The following IL7 variants were observed in gnomAD, a reference collection of about 807,000 sequenced individuals.
IL7 encodes interleukin-7.
A neutral mutation model predicts 21.6 loss-of-function variants in IL7; 3 were observed. The observed-to-expected ratio is 0.14, with a 90% CI of 0.06 to 0.36. The LOEUF (loss-of-function observed/expected upper bound fraction) is 0.36, where lower values mean the gene tolerates loss of function less well. Ranked by LOEUF, IL7 falls within the 10% of genes least tolerant of loss-of-function variation. IL7 has a pLI of 1.00. For synonymous variants in IL7, 62 were observed against 68.1 expected (o/e 0.91, Z 0.44); for missense variants, 175 against 200.2 (o/e 0.87, Z 0.76).
chr8:78,699,536 G>T (rs1810534763), intron 3 of IL7, among the ~76,000 whole-genome samples: 2 of 151,962 alleles, frequency 1.3e-5, no homozygotes, highest in Admixed American at 6.6e-5. Context: ...GTGTCATAGG[G>T]AGTTTGTTGT....
intron 3 of IL7, chr8:78,697,502 T>C: frequency 1.9e-6 from 3 of 1,605,590 alleles, no homozygotes; most frequent in East Asian, 2.2e-5. Flanking sequence ...GCAAAACTGT[T>C]GTAGGTAATG....
chr8:78,794,618 A>G (rs781253346), intron 2 of IL7, among the ~76,000 whole-genome samples: 2 of 152,082 alleles, frequency 1.3e-5, no homozygotes, highest in African/African-American at 2.4e-5. Context: ...TTTACCAATC[A>G]TCTTAGCTAG....
chr8:78,720,959 G>C (rs1811225886), intron 5 of IL7: 1 of 151,792 alleles, frequency 6.6e-6, no homozygotes, highest in African/African-American at 2.4e-5. Context: ...ATTTAAATAG[G>C]AGCTAATAAG....
At chr8:78,692,339 G>C (rs1315659869) in intron 3 of IL7, among the ~76,000 whole-genome samples, 1 of 152,000 alleles carries the variant, frequency 6.6e-6, no homozygotes, top group African/African-American at 2.4e-5. Context: ...AATCCCTATA[G>C]TTCAGTCTTA....
chr8:78,741,458 AAAG>A (rs1463381370), intron 2 of IL7, among the ~76,000 whole-genome samples: 1 of 152,218 alleles, frequency 6.6e-6, no homozygotes, highest in South Asian at 2.1e-4. Flanking sequence ...ATCCTTCAAA[AAAG>A]AAGGTGAAAC....
At chr8:78,756,444 T>C (rs1812351723) in intron 2 of IL7, among the ~76,000 whole-genome samples, 1 of 151,976 alleles carries the variant, frequency 6.6e-6, no homozygotes, top group Non-Finnish European at 1.5e-5. Context: ...AGCCATCTGG[T>C]CCTGGGCTTT....
chr8:78,802,895 A>C (rs1307730241), intron 1 of IL7, among the ~76,000 whole-genome samples: 4 of 152,212 alleles, frequency 2.6e-5, no homozygotes, highest in African/African-American at 9.7e-5. Context: ...CTTCCTGTGC[A>C]TGAACCTCAC....
At chr8:78,715,426 G>A (rs1236166622), downstream of IL7, 2 of 1,139,274 alleles carry the variant, frequency 1.8e-6, no homozygotes, top group Non-Finnish European at 2.4e-6. Context: ...GCTATTTATA[G>A]AAAACCTGAT....
chr8:78,717,531 TTTATGA>T (rs1206843564), downstream of IL7: 1 of 1,538,892 alleles, frequency 6.5e-7, no homozygotes, highest in African/African-American at 1.4e-5. Context: ...AAGTTCAGAG[TTTATGA>T]TTATTGCTGC....
At chr8:78,753,788 C>T (rs917612635) in intron 2 of IL7, among the ~76,000 whole-genome samples, 4 of 152,138 alleles carry the variant, frequency 2.6e-5, no homozygotes, top group African/African-American at 9.7e-5. Context: ...CAGTTTTCTG[C>T]ATATGGCTAG....
downstream of IL7, among the ~76,000 whole-genome samples, chr8:78,731,512 A>G (rs1331838627): frequency 6.6e-6 from 1 of 151,992 alleles, no homozygotes; most frequent in Non-Finnish European, 1.5e-5. Context: ...ACTCACATCA[A>G]AAATAAGTAT....
chr8:78,721,629 A>C (rs942291260), intron 3 of IL7, among the ~76,000 whole-genome samples: 11 of 152,040 alleles, frequency 7.2e-5, no homozygotes, highest in Admixed American at 1.3e-4. Context: ...TTAACAGTGA[A>C]ATGCGGATTT....
At chr8:78,760,709 T>A in intron 2 of IL7, 1 of 1,566,678 alleles carries the variant, frequency 6.4e-7, no homozygotes, top group South Asian at 1.1e-5. Context: ...TTCTTTATAG[T>A]AACTCTCAAA....
chr8:78,716,309 G>C (rs1444726370), downstream of IL7, among the ~76,000 whole-genome samples: 1 of 151,446 alleles, frequency 6.6e-6, no homozygotes, highest in Non-Finnish European at 1.5e-5. Flanking sequence ...ATTTTTATTA[G>C]AGACGGGGTT....
intron 3 of IL7, among the ~76,000 whole-genome samples, chr8:78,699,066 A>T (rs1411206105): frequency 6.6e-6 from 1 of 152,178 alleles, no homozygotes; most frequent in African/African-American, 2.4e-5. Context: ...ATAGTAAATT[A>T]TGAAAATCTA....
chr8:78,723,509 T>C (rs1171863954), intron 3 of IL7, among the ~76,000 whole-genome samples: 1 of 152,020 alleles, frequency 6.6e-6, no homozygotes, highest in Non-Finnish European at 1.5e-5. Flanking sequence ...TGGTAGCACT[T>C]TGGCACTATT....
intron 3 of IL7, among the ~76,000 whole-genome samples, chr8:78,710,534 A>G (rs761788844): frequency 6.6e-6 from 1 of 152,034 alleles, no homozygotes; most frequent in Non-Finnish European, 1.5e-5. Flanking sequence ...TATAAGAGGA[A>G]TATGTTTTTA....
At chr8:78,690,463 G>A (rs2130508048) in intron 3 of IL7, among the ~76,000 whole-genome samples, 1 of 152,052 alleles carries the variant, frequency 6.6e-6, no homozygotes, top group South Asian at 2.1e-4. Flanking sequence ...GGGAGGCTGA[G>A]GCAGGAGAAT....
At chr8:78,683,075 G>A (rs547549823) in intron 4 of IL7, among the ~76,000 whole-genome samples, 1 of 152,192 alleles carries the variant, frequency 6.6e-6, no homozygotes, top group Non-Finnish European at 1.5e-5. Context: ...TCTTTGCAGG[G>A]TACAGCCCCC....
Sources: gnomAD v4.1 joint callset for allele counts (sites outside exome capture counted in the v4.1 genomes callset) on GRCh38, gnomAD v4.1.1 for gene constraint, MANE v1.5 for transcripts, NCBI Gene and HGNC (gene_info 2026-07-23, HGNC 2026-07-21) for gene names.